Variants in PPP2R2B observed in about 807,000 individuals in gnomAD.
PPP2R2B encodes protein phosphatase 2 regulatory subunit Bbeta, also known as serine/threonine-protein phosphatase 2A 55 kDa regulatory subunit B beta isoform.
A neutral mutation model predicts 46.0 loss-of-function variants in PPP2R2B; 5 were observed. That is an observed-to-expected ratio of 0.11 (90% CI 0.06 to 0.23). PPP2R2B has a LOEUF of 0.23. Ranked by LOEUF, PPP2R2B falls within the 10% of genes least tolerant of loss-of-function variation. The pLI is 1.00. For missense variants in PPP2R2B, 367 were observed against 575.0 expected (o/e 0.64, Z 3.70); for synonymous variants, 215 against 206.7 (o/e 1.04, Z -0.34).
At chr5:146,989,074 G>A (rs1026906711) in intron 1 of PPP2R2B, among the ~76,000 whole-genome samples, 5 of 151,904 alleles carry the variant, frequency 3.3e-5, no homozygotes, top group Admixed American at 1.3e-4. Context: ...AAACTGAACA[G>A]ACCAATAATG....
rs1561775668 is a variant in PPP2R2B, at chr5:146,618,140, C to CAGATTACGTT, written c.791-17690_791-17681dup. Among the ~76,000 whole-genome samples, 5 of 152,308 alleles carry CAGATTACGTT rather than the reference C, an allele frequency of 3.3e-5. No homozygotes were observed. The South Asian group carries it at 1.0e-3, about 32-fold the overall frequency. ...GGTTGCTAATCAGCTAACCTTAAGA[C>CAGATTACGTT]AGATTACGTTAGATTATCTGAGTGG... is the stretch of plus-strand genomic sequence containing the variant. On this transcript the variant is annotated intron_variant, in intron 7 of 9. Coordinates refer to ENST00000394411, the MANE Select transcript of PPP2R2B (RefSeq NM_181675.4).
rs1372900580 is a variant in PPP2R2B, at chr5:147,080,110, A to C, written c.50+949T>G. Among the ~76,000 whole-genome samples the C allele has an allele frequency of 2.0e-5, 3 of 152,188 alleles. No homozygotes were observed. The East Asian group carries it at 5.8e-4, about 29-fold the overall frequency. On this transcript the variant is annotated intron_variant, in intron 2 of 10. Coordinates refer to the PPP2R2B transcript ENST00000394413. ...AGGAATTATAGCAAGATTTTAAATA[A>C]ACTGCCTCTTTCAAATTCCTCAGAT...
At chr5:147,045,078 C>T (rs1756486763) in intron 1 of PPP2R2B, among the ~76,000 whole-genome samples, 1 of 152,126 alleles carries the variant, frequency 6.6e-6, no homozygotes, top group Non-Finnish European at 1.5e-5. Flanking sequence ...GTTTATAAAG[C>T]AGTTCTATTC....
intron 5 of PPP2R2B, among the ~76,000 whole-genome samples, chr5:146,662,687 A>T (rs973773431): frequency 1.3e-5 from 2 of 152,198 alleles, no homozygotes; most frequent in Non-Finnish European, 2.9e-5. Flanking sequence ...GTTTAAAATG[A>T]TTTTTATAGT....
At chr5:146,843,288 T>C (rs1759781155) in intron 2 of PPP2R2B, among the ~76,000 whole-genome samples, 1 of 152,202 alleles carries the variant, frequency 6.6e-6, no homozygotes, top group Non-Finnish European at 1.5e-5. Flanking sequence ...ACTTTGTGAG[T>C]ATCATTGTAG....
chr5:146,907,573 T>A (rs1205585820), intron 1 of PPP2R2B, among the ~76,000 whole-genome samples: 4 of 152,158 alleles, frequency 2.6e-5, no homozygotes, highest in Admixed American at 6.5e-5. Context: ...TACCTGAACA[T>A]CCCCCCTGAG....
chr5:146,737,007 T>G (rs1358727474), intron 2 of PPP2R2B, among the ~76,000 whole-genome samples: 1 of 152,258 alleles, frequency 6.6e-6, no homozygotes, highest in African/African-American at 2.4e-5. Flanking sequence ...TTAACTCAAT[T>G]TATTGAAATA....
rs547678828 is a variant in PPP2R2B, at chr5:146,715,478, CTATA to C, written c.71-14340_71-14337del. Among the ~76,000 whole-genome samples, 893 of 152,304 alleles carry C rather than the reference CTATA, an allele frequency of 5.9e-3. 11 individuals carry two copies. Among genetic ancestry groups the C allele is most frequent in the African/African-American group, 0.02 (839 of 41,572 alleles). ...CAAGCCAGGCACGGCGTTCGACCCT[CTATA>C]TACATACACTCTCTTCCTAAATCTA... On this transcript the variant is annotated intron_variant, in intron 2 of 9. Transcript: ENST00000394411.
At chr5:146,681,045 G>A (rs188195978) in intron 5 of PPP2R2B, among the ~76,000 whole-genome samples, 1 of 152,256 alleles carries the variant, frequency 6.6e-6, no homozygotes, top group Non-Finnish European at 1.5e-5. Context: ...GGTAAGGACT[G>A]GTATTTAAAA....
At chr5:146,647,579 G>GTCTGTCACACATCTGCAGAATATAACCTA in intron 6 of PPP2R2B, among the ~76,000 whole-genome samples, 1 of 152,360 alleles carries the variant, frequency 6.6e-6, no homozygotes, top group South Asian at 2.1e-4. Flanking sequence ...GCATCTGGCA[G>GTCTGTCACACATCTGCAGAATATAACCTA]TCTGTCACAC....
intron 1 of PPP2R2B, among the ~76,000 whole-genome samples, chr5:146,929,521 G>A (rs1561524763): frequency 6.6e-6 from 1 of 151,658 alleles, no homozygotes; most frequent in Non-Finnish European, 1.5e-5. Context: ...AGAGTCCATG[G>A]CAAAAAGAAA....
At chr5:146,856,158 C>T (rs1261404113) in intron 2 of PPP2R2B, among the ~76,000 whole-genome samples, 2 of 152,076 alleles carry the variant, frequency 1.3e-5, no homozygotes, top group Admixed American at 6.5e-5. Flanking sequence ...CTAGCTTATT[C>T]AACAAACCTA....
At chr5:146,895,024 A>G (rs2151430923) in intron 1 of PPP2R2B, among the ~76,000 whole-genome samples, 1 of 152,310 alleles carries the variant, frequency 6.6e-6, no homozygotes, top group Non-Finnish European at 1.5e-5. Flanking sequence ...TAAATGAGTA[A>G]ATGAAAGCAA....
At chr5:146,742,533 C>G (rs1490334627) in intron 2 of PPP2R2B, among the ~76,000 whole-genome samples, 2 of 152,104 alleles carry the variant, frequency 1.3e-5, no homozygotes, top group Admixed American at 6.6e-5. Flanking sequence ...CTTCACCTCC[C>G]TACTTTTTTC....
At chr5:146,808,404 C>T (rs1757320929) in intron 2 of PPP2R2B, among the ~76,000 whole-genome samples, 1 of 152,142 alleles carries the variant, frequency 6.6e-6, no homozygotes, top group African/African-American at 2.4e-5. Flanking sequence ...TGAAAATCAT[C>T]ACTCTATCAC....
chr5:146,697,185 G>C (rs1403481336), intron 4 of PPP2R2B, among the ~76,000 whole-genome samples: 1 of 152,148 alleles, frequency 6.6e-6, no homozygotes. Context: ...TTGGGAGAGA[G>C]TGTTTAATTT....
intron 5 of PPP2R2B, among the ~76,000 whole-genome samples, chr5:146,682,790 A>G (rs1214926138): frequency 6.6e-6 from 1 of 152,234 alleles, no homozygotes; most frequent in Non-Finnish European, 1.5e-5. Context: ...AAAAGGCACT[A>G]ACAGCTCACA....
chr5:146,891,879 G>T (rs536701633), intron 1 of PPP2R2B, among the ~76,000 whole-genome samples: 2 of 152,278 alleles, frequency 1.3e-5, no homozygotes, highest in East Asian at 3.9e-4. Context: ...TGTTCTTAAA[G>T]TATTTGGAAT....
chr5:146,900,236 A>T (rs1404159946), intron 1 of PPP2R2B, among the ~76,000 whole-genome samples: 2 of 152,212 alleles, frequency 1.3e-5, no homozygotes, highest in African/African-American at 4.8e-5. Flanking sequence ...AAGTGTCAAA[A>T]ATAAGTGCCA....
Sources: gnomAD v4.1 joint callset for allele counts (sites outside exome capture counted in the v4.1 genomes callset) on GRCh38, gnomAD v4.1.1 for gene constraint, MANE v1.5 for transcripts, NCBI Gene and HGNC (gene_info 2026-07-23, HGNC 2026-07-21) for gene names.